IKBIP: variants seen among roughly 807,000 people sequenced by gnomAD.
IKBIP encodes IKBKB interacting protein, also known as inhibitor of nuclear factor kappa-B kinase-interacting protein.
IKBIP carries 28 observed loss-of-function variants against 31.0 expected under a neutral mutation model. The observed-to-expected ratio is 0.90, with a 90% CI of 0.67 to 1.24. IKBIP has a LOEUF of 1.24. IKBIP is among the 50% of genes most tolerant of loss of function. The pLI, the probability that IKBIP is intolerant of heterozygous loss-of-function variation, is 0.00. For missense variants in IKBIP, 453 were observed against 441.9 expected, an observed-to-expected ratio of 1.03 and a Z score of -0.23; for synonymous variants, 164 against 160.3, an observed-to-expected ratio of 1.02 and a Z score of -0.17.
intron 2 of IKBIP, among the ~76,000 whole-genome samples, chr12:98,633,510 CT>C (rs71432181): frequency 0.13 from 7,897 of 61,152 alleles, 28 homozygotes; most frequent in African/African-American, 0.19. Context: ...TTTTTTAATT[CT>C]TTTTTTTTTT....
chr12:98,616,007 A>G (rs2097606072), intron 2 of IKBIP, among the ~76,000 whole-genome samples: 1 of 151,926 alleles, frequency 6.6e-6, no homozygotes, highest in African/African-American at 2.4e-5. Context: ...TTTTGGATAT[A>G]TATCCAGAAG....
intron 1 of IKBIP, among the ~76,000 whole-genome samples, chr12:98,638,104 G>T (rs964952919): frequency 6.8e-6 from 1 of 147,678 alleles, no homozygotes; most frequent in African/African-American, 2.7e-5. Context: ...TGGACTTGGG[G>T]ATTTCTATTT....
exon 3 of IKBIP, chr12:98,614,041 T>C (rs777941609): frequency 1.2e-6 from 2 of 1,610,276 alleles, no homozygotes; most frequent in Non-Finnish European, 1.7e-6. Context: ...TTTTATTTTC[T>C]AGTTCTTGCA....
Position 98,644,728 on chromosome 12 carries a change from C to T in IKBIP, c.-27G>A. 1 of 1,581,680 alleles carries T rather than the reference C, an allele frequency of 6.3e-7. No individual in the cohort carries two copies. The highest frequency in any genetic ancestry group is 8.5e-7 in the Non-Finnish European group (1 of 1,170,262). On this transcript the variant is annotated 5_prime_UTR_variant, in exon 1 of 3. Transcript: ENST00000299157. ...TCTGGAGACCCTAGGACGACAAGCC[C>T]AGGGCAGCTTCTTCACCAGGGGGAG...
Position 98,625,381 on chromosome 12 carries a change from G to A in IKBIP, c.*549C>T. ...AGCAAAGGCACCAGGCTCTCCCTCA[G>A]GCATGTTATCTTTTATTTTACACAA... On this transcript the variant is annotated 3_prime_UTR_variant, in exon 3 of 3. Coordinates refer to ENST00000299157, the MANE Select transcript of IKBIP (RefSeq NM_153687.4). 1 of 764,356 alleles carries A rather than the reference G, an allele frequency of 1.3e-6. No homozygotes were observed. The highest frequency in any genetic ancestry group is 5.9e-5 in the South Asian group (1 of 16,810). The allele number at this position is 764,356 out of a possible 1,614,324, so 47.3% of individuals were successfully genotyped here. A position where few individuals can be genotyped will look rare whatever the true frequency, so the allele number is the denominator to read the frequency against.
downstream of IKBIP, among the ~76,000 whole-genome samples, chr12:98,619,650 C>T (rs977632873): frequency 2.0e-5 from 3 of 152,142 alleles, no homozygotes; most frequent in South Asian, 4.1e-4. Flanking sequence ...TGGTGGCTCA[C>T]GCCCGTAATC....
chr12:98,624,488 T>G lies in IKBIP; in HGVS notation c.*1442A>C. 1 of 985,296 alleles carries G rather than the reference T, an allele frequency of 1.0e-6. No homozygotes were observed. The highest frequency in any genetic ancestry group is 1.2e-6 in the Non-Finnish European group (1 of 829,860). 61.0% of individuals were successfully genotyped at this position (985,296 alleles called of 1,614,324 possible). A position where few individuals can be genotyped will look rare whatever the true frequency, so the allele number is the denominator to read the frequency against. On this transcript the variant is annotated 3_prime_UTR_variant, in exon 3 of 3. Transcript: ENST00000299157. ...TGGGGGTTCTCCAAAAACTTGCAAA[T>G]TTACATATTAAAACTACTTGACCAC...
At chr12:98,638,346 GGTGTGATCATGGCTCACTGT>G (rs888283996) in intron 1 of IKBIP, among the ~76,000 whole-genome samples, 11 of 151,508 alleles carry the variant, frequency 7.3e-5, no homozygotes, top group African/African-American at 2.2e-4. Flanking sequence ...GGAGTGCAGT[GGTGTGATCATGGCTCACTGT>G]AGCCTCCCAG....
chr12:98,635,306 A>G (rs1341993731), intron 1 of IKBIP, among the ~76,000 whole-genome samples: 1 of 151,904 alleles, frequency 6.6e-6, no homozygotes, highest in African/African-American at 2.4e-5. Context: ...GCCCAGCCCC[A>G]AGGTGGTCTT....
chr12:98,643,817 C>CTTTTTTTTTTTTTTTTCCTTTTCT (rs1163038325), intron 1 of IKBIP, among the ~76,000 whole-genome samples: 32 of 136,920 alleles, frequency 2.3e-4, no homozygotes, highest in East Asian at 1.3e-3. Context: ...ATATGGTTTT[C>CTTTTTTTTTTTTTTTTCCTTTTCT]TTTTTTTTTT....
exon 3 of IKBIP, chr12:98,613,933 A>G (rs771031587): frequency 1.9e-6 from 3 of 1,613,668 alleles, no homozygotes; most frequent in Admixed American, 1.7e-5. Flanking sequence ...TTCTTTGTGA[A>G]TTTTCAGATG....
At chr12:98,635,098 T>A (rs2097624647) in intron 1 of IKBIP, among the ~76,000 whole-genome samples, 1 of 151,246 alleles carries the variant, frequency 6.6e-6, no homozygotes, top group Admixed American at 6.6e-5. Context: ...CTTTGCCTCC[T>A]GGGTTCAAGC....
At chr12:98,614,744 T>A (rs1437886168) in intron 2 of IKBIP, among the ~76,000 whole-genome samples, 1 of 152,240 alleles carries the variant, frequency 6.6e-6, no homozygotes. Context: ...TGTTATTTTT[T>A]AACTACACTT....
downstream of IKBIP, among the ~76,000 whole-genome samples, chr12:98,620,123 G>A (rs770663338): frequency 6.1e-4 from 89 of 146,276 alleles, 1 homozygote; most frequent in Non-Finnish European, 1.0e-3. Flanking sequence ...TAGTAGAGAC[G>A]GGGTTTCACC....
chr12:98,633,672 C>G (rs563000523), intron 2 of IKBIP, among the ~76,000 whole-genome samples: 2 of 151,708 alleles, frequency 1.3e-5, no homozygotes, highest in African/African-American at 4.8e-5. Context: ...GTGTGCACCA[C>G]GCCCAGCTAA....
At chr12:98,632,492 A>G (rs1184484486) in intron 2 of IKBIP, among the ~76,000 whole-genome samples, 1 of 52,258 alleles carries the variant, frequency 1.9e-5, no homozygotes, top group African/African-American at 8.3e-5. Context: ...TGAAAAAAAA[A>G]AAAAAAAAAA....
At chr12:98,641,488 C>T (rs1181822939) in intron 1 of IKBIP, among the ~76,000 whole-genome samples, 1 of 152,052 alleles carries the variant, frequency 6.6e-6, no homozygotes, top group African/African-American at 2.4e-5. Context: ...TTACAAATGT[C>T]TTATGGGGAT....
At chr12:98,630,932 CTTTTCA>C (rs2097619525) in intron 2 of IKBIP, among the ~76,000 whole-genome samples, 1 of 43,182 alleles carries the variant, frequency 2.3e-5, no homozygotes, top group African/African-American at 1.7e-4. Flanking sequence ...TCTTTTTTTT[CTTTTCA>C]TTTTTTTTTT....
intron 1 of IKBIP, among the ~76,000 whole-genome samples, chr12:98,637,201 TA>T (rs536119299): frequency 0.01 from 1,553 of 151,362 alleles, 12 homozygotes; most frequent in South Asian, 0.026. Context: ...CTTACTAAAA[TA>T]AAAAAAAATT....
Sources: allele counts gnomAD v4.1 joint callset (sites outside exome capture counted in the v4.1 genomes callset), GRCh38; gene constraint gnomAD v4.1.1; transcripts MANE v1.5; gene names NCBI Gene and HGNC (gene_info 2026-07-23, HGNC 2026-07-21).